The following CTNNA2 variants were observed in gnomAD, a reference collection of about 807,000 sequenced individuals.
CTNNA2 encodes the protein catenin alpha-2.
A neutral mutation model predicts 101.0 loss-of-function variants in CTNNA2; 42 were observed. The observed-to-expected ratio is 0.42, with a 90% CI of 0.32 to 0.54. CTNNA2 has a LOEUF of 0.54. Ranked by LOEUF, CTNNA2 falls within the 20% of genes least tolerant of loss-of-function variation. The probability of loss-of-function intolerance (pLI) is 0.14; values close to 1 mark genes in which losing one functional copy is unlikely to be tolerated. For missense variants in CTNNA2, 871 were observed against 1,223.1 expected (o/e 0.71, Z 4.29); for synonymous variants, 450 against 456.4 (o/e 0.99, Z 0.18).
intron 7 of CTNNA2, among the ~76,000 whole-genome samples, chr2:79,938,262 T>C (rs191560612): frequency 4.0e-4 from 61 of 152,336 alleles, no homozygotes; most frequent in African/African-American, 1.4e-3. Flanking sequence ...AATAAACATA[T>C]ACATTGTAGA....
At chr2:79,660,319 ATATG>A (rs1406967904) in intron 2 of CTNNA2, among the ~76,000 whole-genome samples, 14 of 150,556 alleles carry the variant, frequency 9.3e-5, no homozygotes, top group Admixed American at 8.6e-4. Context: ...GTGTATATAC[ATATG>A]TATGTGTATG....
chr2:80,224,261 CT>C, intron 7 of CTNNA2, among the ~76,000 whole-genome samples: 1 of 152,260 alleles, frequency 6.6e-6, no homozygotes, highest in Non-Finnish European at 1.5e-5. Context: ...AGCACCCACC[CT>C]TACCCTCTTC....
At chr2:79,995,445 A>G (rs193301537) in intron 7 of CTNNA2, among the ~76,000 whole-genome samples, 3 of 152,210 alleles carry the variant, frequency 2.0e-5, no homozygotes, top group East Asian at 1.9e-4. Context: ...ATTTTTCCCT[A>G]TGATGGTCAA....
At chr2:79,759,100 G>A (rs1672598100) in intron 3 of CTNNA2, among the ~76,000 whole-genome samples, 1 of 152,140 alleles carries the variant, frequency 6.6e-6, no homozygotes, top group Non-Finnish European at 1.5e-5. Flanking sequence ...TGCAGAGGCT[G>A]AATTACCTCA....
At chr2:79,926,737 G>GA (rs1450293780) in intron 7 of CTNNA2, among the ~76,000 whole-genome samples, 2 of 151,100 alleles carry the variant, frequency 1.3e-5, no homozygotes, top group South Asian at 2.1e-4. Flanking sequence ...TCTAAAACAG[G>GA]AAAAAAAATT....
intron 1 of CTNNA2, among the ~76,000 whole-genome samples, chr2:79,622,104 T>C (rs772820338): frequency 6.6e-6 from 1 of 152,142 alleles, no homozygotes; most frequent in Non-Finnish European, 1.5e-5. Context: ...AGTACATACT[T>C]TAGTTAAAAC....
At chr2:79,978,098 G>A (rs1271232682) in intron 7 of CTNNA2, among the ~76,000 whole-genome samples, 1 of 152,138 alleles carries the variant, frequency 6.6e-6, no homozygotes, top group Non-Finnish European at 1.5e-5. Flanking sequence ...ATAGGGTAAG[G>A]TTTTACCATT....
At chr2:80,160,083 C>T (rs1474004424) in intron 7 of CTNNA2, among the ~76,000 whole-genome samples, 2 of 152,124 alleles carry the variant, frequency 1.3e-5, no homozygotes, top group Non-Finnish European at 2.9e-5. Flanking sequence ...TAAAAAGCTA[C>T]CTCTTCCCCA....
At chr2:79,420,755 C>T (rs761297249) in intron 4 of CTNNA2, among the ~76,000 whole-genome samples, 3 of 152,152 alleles carry the variant, frequency 2.0e-5, no homozygotes, top group African/African-American at 4.8e-5. Context: ...ATGTCAATGG[C>T]GTTATCTTTG....
intron 9 of CTNNA2, among the ~76,000 whole-genome samples, chr2:80,451,795 T>C (rs938284460): frequency 1.3e-5 from 2 of 152,214 alleles, no homozygotes; most frequent in African/African-American, 4.8e-5. Context: ...TCAGAAGTTA[T>C]TACAATCCAA....
chr2:80,265,270 C>T lies in CTNNA2; in HGVS notation c.1057-127941C>T, dbSNP rs115213812. 3.9e-3 allele frequency among the ~76,000 whole-genome samples: 594 copies of T among 152,228 alleles called. 3 individuals carry two copies. Among genetic ancestry groups the T allele is most frequent in the African/African-American group, 0.013 (560 of 41,532 alleles). ...AATTACAGGCGTGAGCCACTCCTCC[C>T]GGCCAGGAAGAGTTCTAGGCAGAAG... On this transcript the variant is annotated intron_variant, in intron 7 of 18. Coordinates refer to ENST00000402739, the MANE Select transcript of CTNNA2 (RefSeq NM_001282597.3).
chr2:80,569,524 C>G (rs1274825833), intron 12 of CTNNA2, among the ~76,000 whole-genome samples: 1 of 151,524 alleles, frequency 6.6e-6, no homozygotes, highest in Non-Finnish European at 1.5e-5. Flanking sequence ...ATGTGTGCAT[C>G]ACAAAGGCAA....
intron 3 of CTNNA2, among the ~76,000 whole-genome samples, chr2:79,842,140 AC>A (rs1335236895): frequency 2.0e-5 from 3 of 152,198 alleles, no homozygotes; most frequent in Non-Finnish European, 1.5e-5. Context: ...GTAATTATAA[AC>A]ATATACATTT....
Position 80,062,110 on chromosome 2 carries a change from G to A in CTNNA2, c.1056+152313G>A, listed in dbSNP as rs192596697. 9.3e-4 allele frequency among the ~76,000 whole-genome samples: 141 copies of A among 152,274 alleles called. 2 individuals are homozygous for A. The highest frequency in any genetic ancestry group is 2.9e-3 in the African/African-American group (120 of 41,560). ...TGTAGCTTTGAGGCTTTCAAGATAAGCATCAGTTTGGGTTCAGAAGAAATG... is the reference window on the plus strand; with the variant it reads ...TGTAGCTTTGAGGCTTTCAAGATAAACATCAGTTTGGGTTCAGAAGAAATG... On this transcript the variant is annotated intron_variant, in intron 7 of 18. Coordinates refer to ENST00000402739, the MANE Select transcript of CTNNA2 (RefSeq NM_001282597.3).
chr2:79,562,116 C>A (rs1674818615), intron 1 of CTNNA2, among the ~76,000 whole-genome samples: 1 of 151,786 alleles, frequency 6.6e-6, no homozygotes, highest in Non-Finnish European at 1.5e-5. Flanking sequence ...GATTTTTGAT[C>A]AATTTTTAGT....
In CTNNA2 at chr2:80,638,711, G is replaced by A. The variant is rs149996729; in HGVS notation, c.2575-8874G>A. ...TGACTATAATTAAGATTTCATGGGC[G>A]TCCCCAAGGTTTACTTACCCATAAT... On this transcript the variant is annotated intron_variant, in intron 18 of 18. Coordinates refer to ENST00000402739, the MANE Select transcript of CTNNA2 (RefSeq NM_001282597.3). 1.2e-3 allele frequency among the ~76,000 whole-genome samples: 181 copies of A among 152,228 alleles called. 1 individual carries two copies. The highest frequency in any genetic ancestry group is 4.1e-3 in the Admixed American group (62 of 15,300).
At chr2:79,403,049 T>C (rs1678306501) in intron 4 of CTNNA2, among the ~76,000 whole-genome samples, 1 of 151,516 alleles carries the variant, frequency 6.6e-6, no homozygotes. Flanking sequence ...CATTTCACTT[T>C]AACAAAAAAA....
At chr2:79,242,063 T>G (rs1674633982) in intron 2 of CTNNA2, among the ~76,000 whole-genome samples, 1 of 152,022 alleles carries the variant, frequency 6.6e-6, no homozygotes, top group South Asian at 2.1e-4. Flanking sequence ...CCGCCACCAC[T>G]CCTGGCTAAT....
At chr2:79,982,276 T>A (rs1259634923) in intron 7 of CTNNA2, among the ~76,000 whole-genome samples, 14 of 136,062 alleles carry the variant, frequency 1.0e-4, no homozygotes, top group African/African-American at 3.7e-4. Flanking sequence ...AACATATATA[T>A]AATATATATA....
Sources: gnomAD v4.1 joint callset for allele counts (sites outside exome capture counted in the v4.1 genomes callset) on GRCh38, gnomAD v4.1.1 for gene constraint, MANE v1.5 for transcripts, NCBI Gene and HGNC (gene_info 2026-07-23, HGNC 2026-07-21) for gene names.